The following KCNG3 variants were observed in gnomAD, a reference collection of about 807,000 sequenced individuals.
The protein encoded by KCNG3 is voltage-gated potassium channel regulatory subunit KCNG3.
KCNG3 carries 15 observed loss-of-function variants against 29.0 expected under a neutral mutation model. The observed-to-expected ratio is 0.52, with a 90% CI of 0.35 to 0.80. The LOEUF is 0.80. KCNG3 is among the 30% of genes least tolerant of loss of function. The pLI is 0.01. For missense variants in KCNG3, 512 were observed against 605.7 expected, an observed-to-expected ratio of 0.85 and a Z score of 1.62; for synonymous variants, 322 against 248.9, an observed-to-expected ratio of 1.29 and a Z score of -2.76.
chr2:42,441,266 T>A (rs1268519170), downstream of KCNG3, among the ~76,000 whole-genome samples: 1 of 152,066 alleles, frequency 6.6e-6, no homozygotes, highest in Non-Finnish European at 1.5e-5. Flanking sequence ...TGCACACCTA[T>A]AGTCCTAGCA....
chr2:42,493,513 CG>C lies in KCNG3; in HGVS notation c.-13del. 2 of 1,354,436 alleles carry C rather than the reference CG, an allele frequency of 1.5e-6. No homozygotes were observed. Among genetic ancestry groups the C allele is most frequent in the Non-Finnish European group, 1.9e-6 (2 of 1,060,992 alleles). The allele number at this position is 1,354,436 out of a possible 1,614,324, so 83.9% of individuals were successfully genotyped here. ...CGCCCGAAGGTCATGGCTGGCCGCCCGGGGGACTTTCGGCCCGAGGGCCCCG... is the reference window on the plus strand; with the variant it reads ...CGCCCGAAGGTCATGGCTGGCCGCCCGGGGACTTTCGGCCCGAGGGCCCCG... On this transcript the variant is annotated 5_prime_UTR_variant, in exon 1 of 2. Coordinates refer to ENST00000306078, the MANE Select transcript of KCNG3 (RefSeq NM_133329.6).
chr2:42,457,627 T>TCACACA (rs56251665), intron 1 of KCNG3, among the ~76,000 whole-genome samples: 21,175 of 125,284 alleles, frequency 0.17, 2,110 homozygotes, highest in East Asian at 0.42. Context: ...CAGGCAGATC[T>TCACACA]CACACACACA....
the KCNG3 span, among the ~76,000 whole-genome samples, chr2:42,423,036 A>C: frequency 2.0e-5 from 3 of 152,174 alleles, no homozygotes; most frequent in Non-Finnish European, 4.4e-5. Context: ...TTACAAGCCA[A>C]GGATTCCAAA....
At chr2:42,473,868 T>G (rs1673354813) in intron 1 of KCNG3, among the ~76,000 whole-genome samples, 1 of 152,048 alleles carries the variant, frequency 6.6e-6, no homozygotes, top group South Asian at 2.1e-4. Flanking sequence ...TTATTCAGGT[T>G]AGGCCAGGCG....
At chr2:42,417,041 G>A in the KCNG3 span, among the ~76,000 whole-genome samples, 2 of 152,046 alleles carry the variant, frequency 1.3e-5, no homozygotes, top group African/African-American at 4.8e-5. Context: ...TTGTGGTCAA[G>A]AGTTGGAGAC....
chr2:42,472,903 A>AT (rs1553330072), intron 1 of KCNG3, among the ~76,000 whole-genome samples: 28,772 of 131,390 alleles, frequency 0.22, 3,516 homozygotes, highest in Middle Eastern at 0.27. Context: ...ATATATATAT[A>AT]TTTTTTTTTT....
At chr2:42,390,746 C>T in the KCNG3 span, among the ~76,000 whole-genome samples, 1 of 152,178 alleles carries the variant, frequency 6.6e-6, no homozygotes, top group African/African-American at 2.4e-5. Flanking sequence ...GACTCGAAAA[C>T]TTAACAAATA....
the KCNG3 span, among the ~76,000 whole-genome samples, chr2:42,396,101 G>C: frequency 3.3e-5 from 5 of 152,154 alleles, no homozygotes; most frequent in Non-Finnish European, 5.9e-5. Context: ...ATAAAGCATT[G>C]AATGTCTCAT....
the KCNG3 span, among the ~76,000 whole-genome samples, chr2:42,404,318 T>G: frequency 1.3e-5 from 2 of 152,298 alleles, no homozygotes; most frequent in Non-Finnish European, 2.9e-5. Flanking sequence ...AACCCCTGTT[T>G]CAATGAAGGG....
intron 1 of KCNG3, chr2:42,464,090 A>G (rs1016255003): frequency 4.7e-6 from 1 of 213,112 alleles, no homozygotes; most frequent in Admixed American, 5.9e-5. Flanking sequence ...GACATTTTGA[A>G]AAGCGAGGTA....
the KCNG3 span, among the ~76,000 whole-genome samples, chr2:42,436,183 T>G: frequency 6.6e-6 from 1 of 152,074 alleles, no homozygotes; most frequent in Non-Finnish European, 1.5e-5. Flanking sequence ...ATGTCCAGAA[T>G]AGGCAAATCC....
chr2:42,408,796 C>T, the KCNG3 span, among the ~76,000 whole-genome samples: 1 of 152,210 alleles, frequency 6.6e-6, no homozygotes. Context: ...AAACATGCCC[C>T]TTGCTCACCA....
rs576217093 is a variant in KCNG3, at chr2:42,449,153, T to G, written c.666-4574A>C. On this transcript the variant is annotated intron_variant, in intron 1 of 1. Coordinates refer to ENST00000306078, the MANE Select transcript of KCNG3 (RefSeq NM_133329.6). ...AATGAGTGTACTTTGTTTTGATGTCTAGTTGAATGTATCACTCAATTGTGT... is the reference window on the plus strand; with the variant it reads ...AATGAGTGTACTTTGTTTTGATGTCGAGTTGAATGTATCACTCAATTGTGT... Among the ~76,000 whole-genome samples the G allele has an allele frequency of 3.9e-5, 6 of 152,322 alleles. No individual in the cohort carries two copies. The East Asian group carries it at 1.2e-3, about 29-fold the overall frequency.
At chr2:42,422,823 C>G in the KCNG3 span, among the ~76,000 whole-genome samples, 1 of 152,146 alleles carries the variant, frequency 6.6e-6, no homozygotes, top group African/African-American at 2.4e-5. Context: ...CCCATAAGCG[C>G]CTAGTTGCTG....
At chr2:42,422,870 C>A in the KCNG3 span, among the ~76,000 whole-genome samples, 1,706 of 152,282 alleles carry the variant, frequency 0.011, 27 homozygotes, top group African/African-American at 0.039. Flanking sequence ...AGCCATTTAA[C>A]ACCCCACCTC....
At chr2:42,409,336 A>G in the KCNG3 span, among the ~76,000 whole-genome samples, 1 of 152,140 alleles carries the variant, frequency 6.6e-6, no homozygotes, top group Non-Finnish European at 1.5e-5. Flanking sequence ...AAATACAGGC[A>G]TGAGCCACCA....
chr2:42,434,896 C>T, the KCNG3 span, among the ~76,000 whole-genome samples: 1 of 152,082 alleles, frequency 6.6e-6, no homozygotes, highest in South Asian at 2.1e-4. Context: ...AACTGGATAT[C>T]TACATGCAAA....
the KCNG3 span, among the ~76,000 whole-genome samples, chr2:42,417,828 C>T: frequency 1.3e-5 from 2 of 151,834 alleles, no homozygotes; most frequent in East Asian, 2.0e-4. Context: ...AAAAATTAAC[C>T]GGGCTTGGTG....
At chr2:42,470,344 C>A in intron 1 of KCNG3, 1 of 240,482 alleles carries the variant, frequency 4.2e-6, no homozygotes, top group Non-Finnish European at 8.3e-6. Context: ...CCCCAAAACA[C>A]CATAAACAAA....
Sources: allele counts gnomAD v4.1 joint callset (sites outside exome capture counted in the v4.1 genomes callset), GRCh38; gene constraint gnomAD v4.1.1; transcripts MANE v1.5; gene names NCBI Gene and HGNC (gene_info 2026-07-23, HGNC 2026-07-21).